The following ZC3H4 variants were observed in gnomAD, a reference collection of about 807,000 sequenced individuals.
The protein encoded by ZC3H4 is zinc finger CCCH domain-containing protein 4.
ZC3H4 carries 13 observed loss-of-function variants against 108.3 expected under a neutral mutation model. The observed-to-expected ratio is 0.12, with a 90% confidence interval of 0.08 to 0.19. ZC3H4 has a LOEUF of 0.19. ZC3H4 is among the 10% of genes least tolerant of loss of function. The pLI, the probability that ZC3H4 is intolerant of heterozygous loss-of-function variation, is 1.00. For synonymous variants in ZC3H4, 917 were observed against 749.6 expected (o/e 1.22, Z -3.65); for missense variants, 1,734 against 1,838.8 (o/e 0.94, Z 1.04).
chr19:47,068,488 G>A (rs2057261763), intron 14 of ZC3H4, among the ~76,000 whole-genome samples: 1 of 152,338 alleles, frequency 6.6e-6, no homozygotes, highest in South Asian at 2.1e-4. Flanking sequence ...GGCAGACTCA[G>A]ACATGGGCTC....
Position 47,069,380 on chromosome 19 carries a change from G to A in ZC3H4, c.2147-37C>T, listed in dbSNP as rs1324736349. Reference sequence around the variant, plus strand: ...AAGAACCGAGGGTTCATGTCGGGAAGGGCCTCCAGGTGCCAACTCCAGCCC... The same window carrying A: ...AAGAACCGAGGGTTCATGTCGGGAAAGGCCTCCAGGTGCCAACTCCAGCCC... On this transcript the variant is annotated intron_variant, in intron 13 of 14. Transcript: ENST00000253048. 13 of 1,594,482 alleles carry A rather than the reference G, an allele frequency of 8.2e-6. No homozygotes were observed. In the South Asian group the frequency reaches 1.4e-4, roughly 17 times the overall value.
At chr19:47,088,502 C>T (rs1203064146) in intron 5 of ZC3H4, among the ~76,000 whole-genome samples, 3 of 151,512 alleles carry the variant, frequency 2.0e-5, no homozygotes, top group Non-Finnish European at 2.9e-5. Context: ...GAGCCGAGAT[C>T]GCGCCATTGC....
chr19:47,082,059 A>C (rs1166907725), intron 10 of ZC3H4, 125 bp downstream of exon 10: 1 of 818,274 alleles, frequency 1.2e-6, no homozygotes, highest in Non-Finnish European at 2.1e-6. Flanking sequence ...TGAGATGGAG[A>C]CTCACAGAAA....
chr19:47,106,315 C>T (rs1229404350), intron 2 of ZC3H4, among the ~76,000 whole-genome samples: 2 of 152,194 alleles, frequency 1.3e-5, no homozygotes, highest in Non-Finnish European at 2.9e-5. Context: ...GACATGGTGG[C>T]TTATACCTGT....
At chr19:47,108,050 T>C (rs1395367299) in intron 2 of ZC3H4, among the ~76,000 whole-genome samples, 1 of 152,184 alleles carries the variant, frequency 6.6e-6, no homozygotes, top group Non-Finnish European at 1.5e-5. Context: ...CTTCATACCA[T>C]GTTATTCGGA....
chr19:47,090,090 T>A lies in ZC3H4; in HGVS notation c.592A>T (p.Asn198Tyr). The A allele has an allele frequency of 6.2e-7, 1 of 1,614,198 alleles. No individual in the cohort carries two copies. Among genetic ancestry groups the A allele is most frequent in the Non-Finnish European group, 8.5e-7 (1 of 1,180,030 alleles). Residue 198 changes from asparagine to tyrosine, a missense_variant, in exon 5 of 15, where the codon AAT becomes TAT. Transcript: ENST00000253048. ...KSYGMYEDYE[N>Y]EQYGEYEGDE... ...CCCTCATATTCCCCATACTGCTCAT[T>A]CTCGTAGTCCTCGTACATGCCATAA... is the stretch of plus-strand genomic sequence containing the variant.
chr19:47,084,595 A>T, intron 8 of ZC3H4, 140 bp from the exon 9 acceptor site: 2 of 790,746 alleles, frequency 2.5e-6, no homozygotes, highest in Non-Finnish European at 4.2e-6. Flanking sequence ...GGCTGCATCT[A>T]ACACGGAGGC....
At position 47,070,388 on chromosome 19, in the gene ZC3H4, C is replaced by T. The variant is rs560958105; in HGVS notation, c.2147-1045G>A. On this transcript the variant is annotated intron_variant, in intron 13 of 14. Coordinates refer to ENST00000253048, the MANE Select transcript of ZC3H4 (RefSeq NM_015168.2). The stretch of plus-strand genomic sequence containing the variant: ...GGACCCACTCCATGAACCAGACAGC[C>T]GAGGGTCCCCCTTCACACACAGTCT... Among the ~76,000 whole-genome samples the T allele has an allele frequency of 1.8e-3, 279 of 152,214 alleles. 1 individual carries two copies. Among genetic ancestry groups the T allele is most frequent in the Non-Finnish European group, 2.6e-3 (177 of 68,006 alleles).
rs530672038 is a variant in ZC3H4 at position 47,076,321 on chromosome 19, G to A, written c.1441-3608C>T. ...ACTCAACACATGCACGCGTGCGCGC[G>A]CGCGCACACACACACACACACACAC... On this transcript the variant is annotated intron_variant, in intron 11 of 14. Transcript: ENST00000253048. Among the ~76,000 whole-genome samples, 29 of 74,688 alleles carry A rather than the reference G, an allele frequency of 3.9e-4. No individual in the cohort carries two copies. In the Middle Eastern group the frequency reaches 0.028, roughly 72 times the overall value. 49.0% of individuals were successfully genotyped at this position (74,688 alleles called of 152,430 possible).
Position 47,067,293 on chromosome 19 carries a change from T to C in ZC3H4, c.2975A>G (p.Gln992Arg). The C allele has an allele frequency of 6.3e-7, 1 of 1,589,820 alleles. No homozygotes were observed. Among genetic ancestry groups the C allele is most frequent in the Non-Finnish European group, 8.6e-7 (1 of 1,167,166 alleles). Residue 992 changes from glutamine to arginine, a missense_variant, in exon 15 of 15, where the codon CAG becomes CGG. Gln to Arg is a conservative substitution (Grantham distance 43). Transcript: ENST00000253048. This position sits in a 1 kb window ranked among gnomAD's most constrained non-coding sequence, Gnocchi z 6.4. ...CGCGGGCACGGGGGGCACTGCGTCC[T>C]GCTTGGGGATGGGTAGGGGGATCAG... ...EDLIPLPIPK[Q>R]DAVPPVPAAL...
At chr19:47,101,144 A>G (rs1568565627) in intron 2 of ZC3H4, among the ~76,000 whole-genome samples, 1 of 151,740 alleles carries the variant, frequency 6.6e-6, no homozygotes, top group East Asian at 2.0e-4. Context: ...ATTTGAGACC[A>G]GCCTGGGCAA....
chr19:47,080,389 T>A (rs191598223), intron 11 of ZC3H4, among the ~76,000 whole-genome samples: 1 of 152,268 alleles, frequency 6.6e-6, no homozygotes, highest in Non-Finnish European at 1.5e-5. Context: ...GACCCCCAAC[T>A]TCCCTCTATT....
At chr19:47,075,770 C>T (rs1241044212) in intron 11 of ZC3H4, among the ~76,000 whole-genome samples, 1 of 152,156 alleles carries the variant, frequency 6.6e-6, no homozygotes, top group East Asian at 1.9e-4. Flanking sequence ...CAATGCATTC[C>T]CTGGAATCCA....
intron 14 of ZC3H4, among the ~76,000 whole-genome samples, chr19:47,068,365 C>A (rs1457378062): frequency 6.6e-6 from 1 of 152,198 alleles, no homozygotes; most frequent in Non-Finnish European, 1.5e-5. Flanking sequence ...TCTGGCTGGG[C>A]CTGGGGCTCA....
intron 5 of ZC3H4, among the ~76,000 whole-genome samples, chr19:47,089,379 G>A (rs980616499): frequency 1.3e-5 from 2 of 152,050 alleles, no homozygotes; most frequent in African/African-American, 4.8e-5. Context: ...GGTTGCTGTT[G>A]TTGGTCAGGC....
chr19:47,071,632 G>T, intron 13 of ZC3H4, 146 bp downstream of exon 13: 1 of 823,446 alleles, frequency 1.2e-6, no homozygotes, highest in Non-Finnish European at 1.8e-6. Flanking sequence ...CTATGTCACT[G>T]AAAACATTCA....
intron 5 of ZC3H4, among the ~76,000 whole-genome samples, chr19:47,087,524 C>G (rs926149239): frequency 6.6e-6 from 1 of 151,988 alleles, no homozygotes; most frequent in South Asian, 2.1e-4. Context: ...CACTTGAGAA[C>G]AGGAGTTCGA....
intron 11 of ZC3H4, among the ~76,000 whole-genome samples, chr19:47,078,959 G>A (rs1036451127): frequency 1.1e-4 from 16 of 151,270 alleles, no homozygotes; most frequent in East Asian, 2.0e-4. Context: ...CCCAGAAGGC[G>A]AAGGTTGCGG....
intron 4 of ZC3H4, among the ~76,000 whole-genome samples, chr19:47,093,012 G>A (rs2057762670): frequency 6.6e-6 from 1 of 151,798 alleles, no homozygotes; most frequent in South Asian, 2.1e-4. Context: ...GTCAGGAGAT[G>A]GAGACCATCC....
Sources: allele counts gnomAD v4.1 joint callset (sites outside exome capture counted in the v4.1 genomes callset), GRCh38; gene constraint gnomAD v4.1.1; non-coding constraint Gnocchi (gnomAD v3.1); transcripts MANE v1.5; gene names NCBI Gene and HGNC (gene_info 2026-07-23, HGNC 2026-07-21).